Variants in LIMS2 observed in about 807,000 individuals in gnomAD.
LIMS2 encodes LIM and senescent cell antigen-like-containing domain protein 2.
A neutral mutation model predicts 45.3 loss-of-function variants in LIMS2; 30 were observed. The ratio of observed to expected loss-of-function variants is 0.66; its 90% confidence interval spans 0.50 to 0.90. LIMS2 has a LOEUF of 0.90. Among genes scored for constraint, LIMS2 ranks in the 40% least tolerant of loss-of-function variants. The pLI, the probability that LIMS2 is intolerant of heterozygous loss-of-function variation, is 0.00. For missense variants in LIMS2, 485 were observed against 468.7 expected (o/e 1.03, Z -0.32); for synonymous variants, 173 against 188.0 (o/e 0.92, Z 0.65).
At chr2:127,674,967 C>T (rs1250407673) in intron 1 of LIMS2, 47 bp downstream of exon 1, 2 of 1,227,570 alleles carry the variant, frequency 1.6e-6, no homozygotes, top group Non-Finnish European at 2.0e-6. Flanking sequence ...GCCAGGGGTC[C>T]CGCAGTCCCG....
intron 4 of LIMS2, chr2:127,650,735 C>T: frequency 6.2e-7 from 1 of 1,607,248 alleles, no homozygotes; most frequent in East Asian, 2.2e-5. Context: ...CCAGCCAAAG[C>T]ATGAATGGCC....
At chr2:127,660,154 A>T (rs1469430258) in intron 1 of LIMS2, among the ~76,000 whole-genome samples, 1 of 152,240 alleles carries the variant, frequency 6.6e-6, no homozygotes, top group African/African-American at 2.4e-5. Context: ...GTGTCTAGCT[A>T]AAGGTTTGTA....
chr2:127,642,371 A>AAGTCTT lies in LIMS2; in HGVS notation c.510-173_510-172insAAGACT. ...ACTTTGAAGACTTCCTGTGCCCCAG[A>AAGTCTT]CAGGCCCTGGAGCACAGACTTCCTG... On this transcript the variant is annotated intron_variant, in intron 5 of 9. Coordinates refer to ENST00000355119, the MANE Select transcript of LIMS2 (RefSeq NM_001161403.3). This position sits in a 1 kb window ranked among gnomAD's most constrained non-coding sequence, Gnocchi z 5.3. The AAGTCTT allele has an allele frequency of 1.4e-6, 1 of 692,088 alleles. No individual in the cohort carries two copies. The highest frequency in any genetic ancestry group is 1.8e-5 in the African/African-American group (1 of 55,138). 42.9% of individuals were successfully genotyped at this position (692,088 alleles called of 1,614,324 possible).
chr2:127,640,712 C>A, intron 7 of LIMS2, 184 bp downstream of exon 7: 1 of 616,972 alleles, frequency 1.6e-6, no homozygotes, highest in Non-Finnish European at 2.9e-6. Flanking sequence ...AAGGAAGACA[C>A]TGAGACTGAA....
upstream of LIMS2, among the ~76,000 whole-genome samples, chr2:127,676,702 G>A (rs540164381): frequency 2.0e-5 from 3 of 152,206 alleles, no homozygotes; most frequent in East Asian, 1.9e-4. Context: ...CAGCTGATTC[G>A]GCTTAACTGT....
Position 127,664,183 on chromosome 2 carries a change from C to G in LIMS2, c.12-6621G>C. ...CCCTGTCGCCAACCCAGGGCCCATC[C>G]GACGCCGGGGCAGAGCCCACGGCGT... On this transcript the variant is annotated intron_variant, in intron 1 of 9. Coordinates refer to ENST00000355119, the MANE Select transcript of LIMS2 (RefSeq NM_001161403.3). The surrounding 1 kb of genome is among the most constrained non-coding windows in gnomAD (Gnocchi z 5.5). 1.3e-6 allele frequency: 1 copy of G among 763,660 alleles called. No individual in the cohort carries two copies. Among genetic ancestry groups the G allele is most frequent in the South Asian group, 6.5e-5 (1 of 15,358 alleles). 47.3% of individuals were successfully genotyped at this position (763,660 alleles called of 1,614,324 possible). A position where few individuals can be genotyped will look rare whatever the true frequency, so the allele number is the denominator to read the frequency against.
chr2:127,674,525 C>G, intron 1 of LIMS2: 1 of 717,902 alleles, frequency 1.4e-6, no homozygotes, highest in Non-Finnish European at 1.7e-6. Context: ...GGGCGCAGCT[C>G]TGGCCAAGTT....
chr2:127,660,788 C>A (rs972071678), intron 1 of LIMS2, among the ~76,000 whole-genome samples: 4 of 152,218 alleles, frequency 2.6e-5, no homozygotes, highest in Admixed American at 6.5e-5. Flanking sequence ...CACACACTCT[C>A]CTCTACCTTC....
intron 4 of LIMS2, 58 bp downstream of exon 4, chr2:127,654,366 C>G (rs574465569): frequency 1.2e-6 from 2 of 1,610,044 alleles, no homozygotes; most frequent in African/African-American, 2.7e-5. Context: ...GGAGAGGTGG[C>G]AGGTGTGCCA....
At chr2:127,651,638 TGAG>T (rs781087875) in intron 4 of LIMS2, 21 of 1,613,384 alleles carry the variant, frequency 1.3e-5, no homozygotes, top group Admixed American at 6.7e-5. Context: ...TCTTCGTGGC[TGAG>T]AAGTTCCGCC....
Position 127,642,700 on chromosome 2 carries a change from G to A in LIMS2, c.509+223C>T, listed in dbSNP as rs1405101175. The A allele has an allele frequency of 3.6e-6, 2 of 560,698 alleles. No individual in the cohort carries two copies. The highest frequency in any genetic ancestry group is 6.3e-6 in the Non-Finnish European group (2 of 317,808). 34.7% of individuals were successfully genotyped at this position (560,698 alleles called of 1,614,324 possible). ...CCCACCCGCCTCCTGAGTCTCAAGTGCCCCCCAAACAGAGCCCTGGAGAGA... is the reference window on the plus strand; with the variant it reads ...CCCACCCGCCTCCTGAGTCTCAAGTACCCCCCAAACAGAGCCCTGGAGAGA... On this transcript the variant is annotated intron_variant, in intron 5 of 9. Transcript: ENST00000355119. The surrounding 1 kb of genome is among the most constrained non-coding windows in gnomAD (Gnocchi z 5.3).
chr2:127,675,996 A>C (rs1685490073), upstream of LIMS2, among the ~76,000 whole-genome samples: 1 of 152,256 alleles, frequency 6.6e-6, no homozygotes, highest in Non-Finnish European at 1.5e-5. Flanking sequence ...TGTATAATGA[A>C]GCGCTGAGAA....
chr2:127,645,429 G>A (rs1292850704), intron 4 of LIMS2, among the ~76,000 whole-genome samples: 5 of 152,180 alleles, frequency 3.3e-5, no homozygotes, highest in African/African-American at 7.2e-5. Flanking sequence ...AGAGGCGGCC[G>A]CCGGCAGCAT....
chr2:127,655,844 CAG>C (rs1684217262), intron 2 of LIMS2: 1 of 152,390 alleles, frequency 6.6e-6, no homozygotes, highest in African/African-American at 2.4e-5. Context: ...TACCTTGAAA[CAG>C]AGCCAGCATC....
exon 1 of LIMS2, chr2:127,681,466 C>T (rs551720889): frequency 3.9e-5 from 6 of 152,554 alleles, no homozygotes; most frequent in Non-Finnish European, 8.8e-5. Context: ...GTCCGGCCAC[C>T]ACGGGGCACC....
chr2:127,654,808 T>C (rs1279932374), intron 3 of LIMS2, 22 bp downstream of exon 3: 15 of 1,613,066 alleles, frequency 9.3e-6, no homozygotes, highest in Non-Finnish European at 1.1e-5. Flanking sequence ...CAGCCCAGGA[T>C]GTGTACTGTC....
rs140650322 is a variant in LIMS2, at chr2:127,674,937, C to T, written c.11+77G>A. The T allele has an allele frequency of 0.086, 104,891 of 1,224,064 alleles. 4,959 individuals carry two copies. The highest frequency in any genetic ancestry group is 0.13 in the Middle Eastern group (448 of 3,350). The allele number at this position is 1,224,064 out of a possible 1,614,324, so 75.8% of individuals were successfully genotyped here. On this transcript the variant is annotated intron_variant, in intron 1 of 9. Transcript: ENST00000355119. ...GGGATCGTGGCGCCGCGGGGCTGTA[C>T]GAGGGCGAGCTGCGCCTCGGCCAGG...
rs912200788 is a variant in LIMS2, at chr2:127,638,500, A to T, written c.*781T>A. On this transcript the variant is annotated 3_prime_UTR_variant, in exon 10 of 10. Coordinates refer to ENST00000355119, the MANE Select transcript of LIMS2 (RefSeq NM_001161403.3). ...CCAGGTCTGCGCTGGCCGAAGACGA[A>T]GCGTCCTCCCTGGAGGTGGGAACAA... The T allele has an allele frequency of 2.6e-5, 4 of 152,706 alleles. No homozygotes were observed. The highest frequency in any genetic ancestry group is 9.6e-5 in the African/African-American group (4 of 41,470). 9.5% of individuals were successfully genotyped at this position (152,706 alleles called of 1,614,324 possible).
chr2:127,640,411 CTCTCAGGCA>C, intron 7 of LIMS2, 93 bp from the exon 8 acceptor site: 3 of 1,356,984 alleles, frequency 2.2e-6, no homozygotes, highest in Non-Finnish European at 2.1e-6. Flanking sequence ...AACACGGCCC[CTCTCAGGCA>C]TCTCCCAGGC....
Sources: allele counts gnomAD v4.1 joint callset (sites outside exome capture counted in the v4.1 genomes callset), GRCh38; gene constraint gnomAD v4.1.1; non-coding constraint Gnocchi (gnomAD v3.1); transcripts MANE v1.5; gene names NCBI Gene and HGNC (gene_info 2026-07-23, HGNC 2026-07-21).